GNA14: variants seen among roughly 807,000 people sequenced by gnomAD.
GNA14 encodes guanine nucleotide-binding protein subunit alpha-14.
GNA14 carries 50 observed loss-of-function variants against 42.0 expected under a neutral mutation model. The ratio of observed to expected loss-of-function variants is 1.19; its 90% CI spans 0.95 to 1.51. The LOEUF is 1.51. Among genes scored for constraint, GNA14 ranks in the 40% most tolerant of loss-of-function variants. The pLI, the probability that GNA14 is intolerant of heterozygous loss-of-function variation, is 0.00. For missense variants in GNA14, 473 were observed against 446.2 expected (o/e 1.06, Z -0.54); for synonymous variants, 173 against 163.1 (o/e 1.06, Z -0.46).
intron 1 of GNA14, among the ~76,000 whole-genome samples, chr9:77,640,135 CT>C (rs1343849156): frequency 6.6e-6 from 1 of 152,208 alleles, no homozygotes; most frequent in African/African-American, 2.4e-5. Flanking sequence ...GGCTCTCAAG[CT>C]TGGAAGGGGA....
At chr9:77,539,443 A>G (rs185082316) in intron 1 of GNA14, among the ~76,000 whole-genome samples, 1 of 152,328 alleles carries the variant, frequency 6.6e-6, no homozygotes, top group East Asian at 1.9e-4. Flanking sequence ...ACCTATGTTC[A>G]TCAGGGATAT....
chr9:77,644,408 G>A (rs1166606003), intron 1 of GNA14, among the ~76,000 whole-genome samples: 2 of 118,316 alleles, frequency 1.7e-5, no homozygotes, highest in Non-Finnish European at 3.2e-5. Context: ...AGCCGTGACT[G>A]TATTACTGAA....
intron 2 of GNA14, among the ~76,000 whole-genome samples, chr9:77,521,574 G>A (rs1234973252): frequency 6.6e-6 from 1 of 152,094 alleles, no homozygotes; most frequent in African/African-American, 2.4e-5. Flanking sequence ...TTCTGAGAAT[G>A]GAAAGTGGAG....
At chr9:77,449,755 C>A (rs979100141) in intron 2 of GNA14, among the ~76,000 whole-genome samples, 2 of 152,192 alleles carry the variant, frequency 1.3e-5, no homozygotes, top group African/African-American at 4.8e-5. Context: ...ATGTTAGATT[C>A]ATTAGTTTAA....
chr9:77,492,425 GAA>G (rs1270078039), intron 2 of GNA14, among the ~76,000 whole-genome samples: 2 of 151,064 alleles, frequency 1.3e-5, no homozygotes, highest in Non-Finnish European at 3.0e-5. Context: ...GCAAGATTAA[GAA>G]AAAAAGAGAG....
intron 1 of GNA14, among the ~76,000 whole-genome samples, chr9:77,646,830 G>A (rs1824360921): frequency 6.6e-6 from 1 of 152,326 alleles, no homozygotes; most frequent in Non-Finnish European, 1.5e-5. Flanking sequence ...CATAACTTGG[G>A]CAAACCTTAA....
chr9:77,439,719 G>T (rs1835699492), intron 2 of GNA14, among the ~76,000 whole-genome samples: 1 of 152,208 alleles, frequency 6.6e-6, no homozygotes, highest in African/African-American at 2.4e-5. Flanking sequence ...CTCATCCACA[G>T]GTGTCTGGGT....
rs183257289 is a variant in GNA14, at chr9:77,570,559, C to T, written c.125-41306G>A. On this transcript the variant is annotated intron_variant, in intron 1 of 6. Coordinates refer to ENST00000341700, the MANE Select transcript of GNA14 (RefSeq NM_004297.4). ...TTTTTTAGGTTTATTTATCTGGTAG[C>T]GTGCATCAGTACTTCATTTTTTATT... 2.7e-3 allele frequency among the ~76,000 whole-genome samples: 414 copies of T among 152,206 alleles called. 1 individual carries two copies. Among genetic ancestry groups the T allele is most frequent in the Non-Finnish European group, 4.5e-3 (308 of 68,000 alleles).
At chr9:77,576,252 T>TA in intron 1 of GNA14, among the ~76,000 whole-genome samples, 1 of 152,152 alleles carries the variant, frequency 6.6e-6, no homozygotes, top group Admixed American at 6.6e-5. Flanking sequence ...GGTAATTTGC[T>TA]GTTTGTCCAG....
intron 1 of GNA14, among the ~76,000 whole-genome samples, chr9:77,595,733 G>A (rs565434687): frequency 5.9e-5 from 9 of 152,228 alleles, no homozygotes; most frequent in African/African-American, 2.2e-4. Context: ...GTAAATCTGG[G>A]CAGCACCACA....
chr9:77,588,280 G>T (rs1823336658), intron 1 of GNA14, among the ~76,000 whole-genome samples: 1 of 152,188 alleles, frequency 6.6e-6, no homozygotes, highest in South Asian at 2.1e-4. Context: ...CCCCTTCAGT[G>T]AACTCCTTTT....
At chr9:77,539,217 GT>G (rs1162831976) in intron 1 of GNA14, among the ~76,000 whole-genome samples, 1 of 152,192 alleles carries the variant, frequency 6.6e-6, no homozygotes, top group Non-Finnish European at 1.5e-5. Context: ...TATCATGAAG[GT>G]ATGTTGAATT....
At chr9:77,444,267 C>A (rs1835779581) in intron 2 of GNA14, among the ~76,000 whole-genome samples, 1 of 152,210 alleles carries the variant, frequency 6.6e-6, no homozygotes, top group African/African-American at 2.4e-5. Context: ...CCTGCTTCTG[C>A]TTAAAAACAG....
chr9:77,521,311 T>G (rs1837351444), intron 2 of GNA14, among the ~76,000 whole-genome samples: 1 of 152,200 alleles, frequency 6.6e-6, no homozygotes, highest in African/African-American at 2.4e-5. Context: ...CGGCCAAAGT[T>G]GGAACATTGG....
At chr9:77,454,577 A>ATTT (rs35309093) in intron 2 of GNA14, among the ~76,000 whole-genome samples, 15 of 128,612 alleles carry the variant, frequency 1.2e-4, no homozygotes, top group African/African-American at 4.3e-4. Flanking sequence ...GGCCATCAGG[A>ATTT]TTTTTTTTTT....
chr9:77,622,360 TA>T (rs1823940942), intron 1 of GNA14, among the ~76,000 whole-genome samples: 1 of 152,130 alleles, frequency 6.6e-6, no homozygotes, highest in Non-Finnish European at 1.5e-5. Flanking sequence ...GTGAGGCAGC[TA>T]AAAGAACTTA....
Position 77,529,142 on chromosome 9 carries a change from A to G in GNA14, c.236T>C (p.Ile79Thr), listed in dbSNP as rs765134278. ...KGFTKLVYQN[I>T]FTAMQAMIRA... ...GATCATGGCTTGCATGGCGGTGAAT[A>G]TGTTTTGGTAAACCAGCTTCGTGAA... Residue 79 changes from isoleucine (I) to threonine (T), a missense_variant, in exon 2 of 7, where the codon ATA becomes ACA. By Grantham distance (89) the Ile-to-Thr change is moderately conservative (BLOSUM62 -1). Transcript: ENST00000341700. The G allele has an allele frequency of 6.2e-6, 10 of 1,614,138 alleles. No individual in the cohort carries two copies. Among genetic ancestry groups the G allele is most frequent in the African/African-American group, 1.3e-5 (1 of 75,050 alleles).
chr9:77,458,904 A>AGCGGG (rs55765810), intron 2 of GNA14, among the ~76,000 whole-genome samples: 21,379 of 128,878 alleles, frequency 0.17, 1,968 homozygotes, highest in Non-Finnish European at 0.21. Flanking sequence ...CACAAGCTGG[A>AGCGGG]GGGGGGGGGG....
intron 2 of GNA14, among the ~76,000 whole-genome samples, chr9:77,445,044 A>G (rs559588202): frequency 3.9e-5 from 6 of 152,342 alleles, no homozygotes; most frequent in African/African-American, 1.2e-4. Flanking sequence ...GCTGAGCTCA[A>G]AGGAAGGGAA....
Sources: gnomAD v4.1 joint callset for allele counts (sites outside exome capture counted in the v4.1 genomes callset) on GRCh38, gnomAD v4.1.1 for gene constraint, MANE v1.5 for transcripts, NCBI Gene and HGNC (gene_info 2026-07-23, HGNC 2026-07-21) for gene names.